TMEM164: variants seen among roughly 807,000 people sequenced by gnomAD.
The protein encoded by TMEM164 is transmembrane protein 164, also known as RP13-360B22.2.
Under a neutral mutation model 18.8 loss-of-function variants are expected in TMEM164, and 4 were observed. The observed-to-expected ratio is 0.21, with a 90% CI of 0.10 to 0.49. The LOEUF (loss-of-function observed/expected upper bound fraction) is 0.49, where lower values mean the gene tolerates loss of function less well. Among genes scored for constraint, TMEM164 ranks in the 20% least tolerant of loss-of-function variants. TMEM164 has a pLI of 0.98. For missense variants in TMEM164, 108 were observed against 239.9 expected (o/e 0.45, Z 3.63); for synonymous variants, 86 against 101.7 (o/e 0.85, Z 0.93).
intron 2 of TMEM164, among the ~76,000 whole-genome samples, chrX:110,011,040 G>T (rs745945722): frequency 2.7e-5 from 3 of 111,914 alleles, no homozygotes; most frequent in Non-Finnish European, 5.6e-5. Flanking sequence ...TGTTTTAGAT[G>T]TTCGTGGGAG....
intron 4 of TMEM164, among the ~76,000 whole-genome samples, chrX:110,111,710 CCTT>C (rs1281657484): frequency 1.2e-4 from 13 of 111,838 alleles, no homozygotes; most frequent in African/African-American, 3.9e-4. Flanking sequence ...AACCAAATAT[CCTT>C]CTTCTTGCAA....
chrX:110,141,455 A>C (rs755986231), intron 4 of TMEM164, among the ~76,000 whole-genome samples: 4 of 112,384 alleles, frequency 3.6e-5, no homozygotes, highest in African/African-American at 1.3e-4. Flanking sequence ...CCTCACAATC[A>C]TGGCAGAAGG....
intron 4 of TMEM164, among the ~76,000 whole-genome samples, chrX:110,143,145 A>G (rs891537021): frequency 8.9e-6 from 1 of 111,924 alleles, no homozygotes; most frequent in African/African-American, 3.3e-5. Flanking sequence ...TTCCTTCCCT[A>G]TTTTCCAGGT....
intron 3 of TMEM164, among the ~76,000 whole-genome samples, chrX:110,092,210 A>G (rs2065941364): frequency 8.9e-6 from 1 of 111,817 alleles, no homozygotes; most frequent in African/African-American, 3.3e-5. Context: ...TTGGTTCCAT[A>G]TGAACTTTAA....
intron 3 of TMEM164, among the ~76,000 whole-genome samples, chrX:110,081,340 A>G (rs1309120227): frequency 1.8e-5 from 2 of 111,714 alleles, no homozygotes; most frequent in Non-Finnish European, 3.8e-5. Flanking sequence ...TTCTCTTGCC[A>G]GTGATCATAA....
At chrX:110,042,639 C>T (rs1340530922) in intron 2 of TMEM164, among the ~76,000 whole-genome samples, 2 of 111,909 alleles carry the variant, frequency 1.8e-5, no homozygotes, top group Non-Finnish European at 3.8e-5. Flanking sequence ...TACATTCCCA[C>T]CAGTAATGTA....
intron 6 of TMEM164, among the ~76,000 whole-genome samples, chrX:110,172,730 AG>A (rs1253063490): frequency 8.9e-6 from 1 of 111,806 alleles, no homozygotes; most frequent in Non-Finnish European, 1.9e-5. Context: ...GAGTCCATTC[AG>A]GTACCACTTC....
intron 5 of TMEM164, among the ~76,000 whole-genome samples, chrX:110,164,415 C>A (rs148564569): frequency 3.6e-5 from 4 of 111,264 alleles, no homozygotes; most frequent in Non-Finnish European, 7.5e-5. Flanking sequence ...GTATTGGGGT[C>A]ATGGTTATCG....
chrX:110,108,182 C>T (rs1026040459), intron 3 of TMEM164, among the ~76,000 whole-genome samples: 5 of 102,182 alleles, frequency 4.9e-5, no homozygotes, highest in African/African-American at 1.5e-4. Flanking sequence ...CGTGTTGCCT[C>T]GGTGGTGGTT....
In TMEM164 at chrX:110,052,997, C is replaced by A. The variant is rs182553233; in HGVS notation, c.391-14350C>A. 5.8e-4 allele frequency among the ~76,000 whole-genome samples: 64 copies of A among 110,788 alleles called. 1 individual carries two copies. The East Asian group carries it at 0.015, about 26-fold the overall frequency. On this transcript the variant is annotated intron_variant, in intron 2 of 6. Transcript: ENST00000372068. ...TGATCTTTTCACCTCATGATCTGCC[C>A]ACCTTGGCCTCCCAAAGTGCTGGGA...
intron 5 of TMEM164, among the ~76,000 whole-genome samples, chrX:110,162,505 TC>T (rs1386313489): frequency 8.9e-6 from 1 of 112,026 alleles, no homozygotes; most frequent in African/African-American, 3.2e-5. Context: ...AGATGGACCT[TC>T]CCTGTGAACA....
downstream of TMEM164, among the ~76,000 whole-genome samples, chrX:110,180,487 C>T (rs941533187): frequency 9.9e-6 from 1 of 100,864 alleles, no homozygotes; most frequent in African/African-American, 4.8e-5. Context: ...CTGCCTGAAC[C>T]CCCCCGCCCC....
At chrX:110,169,455 G>A (rs1195867466) in intron 5 of TMEM164, among the ~76,000 whole-genome samples, 1 of 110,942 alleles carries the variant, frequency 9.0e-6, no homozygotes, top group Non-Finnish European at 1.9e-5. Context: ...TTCTCTTTTT[G>A]GGCTCCTGTA....
intron 4 of TMEM164, among the ~76,000 whole-genome samples, chrX:110,129,151 C>G (rs1338319892): frequency 8.9e-6 from 1 of 111,994 alleles, no homozygotes; most frequent in Non-Finnish European, 1.9e-5. Context: ...AGTATACATT[C>G]ACTTTTCAAA....
intron 3 of TMEM164, among the ~76,000 whole-genome samples, chrX:110,108,570 T>C (rs1172978844): frequency 8.9e-6 from 1 of 112,477 alleles, no homozygotes; most frequent in Non-Finnish European, 1.9e-5. Flanking sequence ...TGGGGAAATA[T>C]AGTTTGCAAA....
chrX:110,073,838 A>C (rs1210398775), intron 3 of TMEM164, among the ~76,000 whole-genome samples: 1 of 110,957 alleles, frequency 9.0e-6, no homozygotes, highest in Admixed American at 9.7e-5. Context: ...AATTTTTAAT[A>C]ATAGCCGTTC....
At chrX:110,088,395 G>A (rs1223199838) in intron 3 of TMEM164, among the ~76,000 whole-genome samples, 1 of 111,919 alleles carries the variant, frequency 8.9e-6, no homozygotes, top group Non-Finnish European at 1.9e-5. Context: ...TTGGCTTAGC[G>A]TTGGACTCAT....
At chrX:110,011,177 C>CA (rs1256454728) in intron 2 of TMEM164, among the ~76,000 whole-genome samples, 1 of 110,391 alleles carries the variant, frequency 9.1e-6, no homozygotes, top group Admixed American at 9.5e-5. Context: ...CTTTCAAAAA[C>CA]AAAACCAAAA....
intron 6 of TMEM164, 102 bp from the exon 7 acceptor site, chrX:110,173,143 C>T: frequency 1.2e-6 from 1 of 862,750 alleles, no homozygotes; most frequent in Admixed American, 2.4e-5. Flanking sequence ...TGGTCAATCC[C>T]TCCTTGTCTA....
Sources: allele counts gnomAD v4.1 joint callset (sites outside exome capture counted in the v4.1 genomes callset), GRCh38; gene constraint gnomAD v4.1.1; transcripts MANE v1.5; gene names NCBI Gene and HGNC (gene_info 2026-07-23, HGNC 2026-07-21).